Variants in PTPRD observed in about 807,000 individuals in gnomAD.
PTPRD encodes protein tyrosine phosphatase receptor type D, also known as receptor-type tyrosine-protein phosphatase delta.
PTPRD carries 34 observed loss-of-function variants against 214.5 expected under a neutral mutation model. The ratio of observed to expected loss-of-function variants is 0.16; its 90% CI spans 0.12 to 0.21. The LOEUF is 0.21. Among genes scored for constraint, PTPRD ranks in the 10% least tolerant of loss-of-function variants. The pLI, the probability that PTPRD is intolerant of heterozygous loss-of-function variation, is 1.00. For synonymous variants in PTPRD, 1,128 were observed against 845.7 expected, an observed-to-expected ratio of 1.33 and a Z score of -5.79; for missense variants, 2,545 against 2,398.7, an observed-to-expected ratio of 1.06 and a Z score of -1.27.
At chr9:9,922,218 A>C (rs1040174187) in intron 5 of PTPRD, among the ~76,000 whole-genome samples, 47 of 152,238 alleles carry the variant, frequency 3.1e-4, no homozygotes, top group African/African-American at 1.1e-3. Flanking sequence ...ATCAAGTTCT[A>C]AGGTGGTTGC....
intron 10 of PTPRD, among the ~76,000 whole-genome samples, chr9:9,111,210 GAAA>G (rs78493833): frequency 1.5e-5 from 1 of 67,974 alleles, no homozygotes; most frequent in Non-Finnish European, 3.3e-5. Flanking sequence ...ATTAGATAAA[GAAA>G]AAAAAAAAAA....
At chr9:9,723,420 A>G (rs919413523) in intron 7 of PTPRD, among the ~76,000 whole-genome samples, 10 of 152,076 alleles carry the variant, frequency 6.6e-5, no homozygotes, top group African/African-American at 2.2e-4. Context: ...GCCATACTTC[A>G]TTGATTCTCA....
At chr9:10,402,806 G>A (rs1470781431) in intron 2 of PTPRD, among the ~76,000 whole-genome samples, 1 of 151,554 alleles carries the variant, frequency 6.6e-6, no homozygotes, top group Non-Finnish European at 1.5e-5. Flanking sequence ...CATCTAATGT[G>A]GGAAAAATAC....
Position 9,441,277 on chromosome 9 carries a change from G to C in PTPRD, c.-236-43795C>G, listed in dbSNP as rs182140413. 1.1e-4 allele frequency among the ~76,000 whole-genome samples: 16 copies of C among 152,302 alleles called. No individual in the cohort carries two copies. The East Asian group carries it at 3.1e-3, about 29-fold the overall frequency. The stretch of plus-strand genomic sequence containing the variant: ...GTCCATCACACCAGTTTCTAAGGCA[G>C]TGAGGTGCAGGAGGGTATGAGTTAG... On this transcript the variant is annotated intron_variant, in intron 8 of 45. Coordinates refer to ENST00000381196, the MANE Select transcript of PTPRD (RefSeq NM_002839.4).
chr9:10,196,845 G>C (rs1401028970), intron 3 of PTPRD, among the ~76,000 whole-genome samples: 1 of 151,862 alleles, frequency 6.6e-6, no homozygotes, highest in Non-Finnish European at 1.5e-5. Context: ...TAGGCCACAT[G>C]GGCACCTCCA....
chr9:9,555,079 A>G (rs1259399183), intron 8 of PTPRD, among the ~76,000 whole-genome samples: 2 of 152,102 alleles, frequency 1.3e-5, no homozygotes, highest in South Asian at 2.1e-4. Flanking sequence ...GTTTAAAGGC[A>G]TAAGTGCATA....
intron 10 of PTPRD, among the ~76,000 whole-genome samples, chr9:9,139,461 A>G (rs1265859293): frequency 6.6e-6 from 1 of 152,224 alleles, no homozygotes; most frequent in Non-Finnish European, 1.5e-5. Flanking sequence ...TAGGCACAGT[A>G]TGAGATTAGC....
intron 2 of PTPRD, among the ~76,000 whole-genome samples, chr9:10,365,887 G>A (rs2097505810): frequency 6.6e-6 from 1 of 152,170 alleles, no homozygotes; most frequent in African/African-American, 2.4e-5. Flanking sequence ...AGCAATGAGA[G>A]TAAATTATAT....
chr9:9,923,495 C>T (rs1025269835), intron 5 of PTPRD, among the ~76,000 whole-genome samples: 1 of 149,148 alleles, frequency 6.7e-6, no homozygotes, highest in South Asian at 2.1e-4. Flanking sequence ...ACAAAAAAAT[C>T]GATCTCCAAA....
At chr9:10,454,481 A>C (rs2098889142) in intron 2 of PTPRD, among the ~76,000 whole-genome samples, 2 of 151,728 alleles carry the variant, frequency 1.3e-5, no homozygotes, top group African/African-American at 4.8e-5. Flanking sequence ...AGCAAGACAT[A>C]CTGTTCTCAG....
At chr9:10,156,404 T>C (rs956446126) in intron 3 of PTPRD, among the ~76,000 whole-genome samples, 3 of 152,196 alleles carry the variant, frequency 2.0e-5, no homozygotes, top group Admixed American at 2.0e-4. Flanking sequence ...TCAAAAGTCA[T>C]TCAGGAAAAG....
At chr9:10,182,998 T>C (rs943532212) in intron 3 of PTPRD, among the ~76,000 whole-genome samples, 1 of 152,164 alleles carries the variant, frequency 6.6e-6, no homozygotes, top group Non-Finnish European at 1.5e-5. Context: ...GGCTAAGTTA[T>C]TTAATCTCTT....
At chr9:8,545,830 G>C (rs1489989909) in intron 14 of PTPRD, among the ~76,000 whole-genome samples, 1 of 152,284 alleles carries the variant, frequency 6.6e-6, no homozygotes, top group Non-Finnish European at 1.5e-5. Flanking sequence ...AATTATTATA[G>C]ACATACTTTA....
intron 3 of PTPRD, among the ~76,000 whole-genome samples, chr9:10,087,736 T>C (rs2098370556): frequency 6.6e-6 from 1 of 151,742 alleles, no homozygotes; most frequent in African/African-American, 2.4e-5. Context: ...TATGAGTGCT[T>C]AATATTGCAA....
At chr9:8,525,526 C>CA (rs1372490755) in intron 17 of PTPRD, among the ~76,000 whole-genome samples, 1 of 151,814 alleles carries the variant, frequency 6.6e-6, no homozygotes, top group East Asian at 1.9e-4. Context: ...CTGCACAAAG[C>CA]AAAAAATTAA....
intron 11 of PTPRD, among the ~76,000 whole-genome samples, chr9:8,972,747 AG>A (rs1328599513): frequency 6.6e-6 from 1 of 151,988 alleles, no homozygotes; most frequent in African/African-American, 2.4e-5. Context: ...AACCAAGTAC[AG>A]ACTTTTGTTT....
At chr9:8,929,361 C>G (rs763828490) in intron 11 of PTPRD, among the ~76,000 whole-genome samples, 1 of 152,034 alleles carries the variant, frequency 6.6e-6, no homozygotes, top group African/African-American at 2.4e-5. Context: ...GAGGTACATT[C>G]CATCAATACC....
intron 5 of PTPRD, among the ~76,000 whole-genome samples, chr9:9,806,449 C>A (rs769504439): frequency 1.3e-5 from 2 of 151,970 alleles, no homozygotes; most frequent in Non-Finnish European, 2.9e-5. Context: ...TTCCTCCCCG[C>A]TCTTGTGACA....
intron 2 of PTPRD, among the ~76,000 whole-genome samples, chr9:10,437,137 T>A (rs888746958): frequency 6.6e-6 from 1 of 151,816 alleles, no homozygotes; most frequent in East Asian, 1.9e-4. Context: ...CATCCCTATA[T>A]ACTTGCTTTC....
Sources: gnomAD v4.1 joint callset for allele counts (sites outside exome capture counted in the v4.1 genomes callset) on GRCh38, gnomAD v4.1.1 for gene constraint, MANE v1.5 for transcripts, NCBI Gene and HGNC (gene_info 2026-07-23, HGNC 2026-07-21) for gene names.